PRKCQ: variants seen among roughly 807,000 people sequenced by gnomAD.
PRKCQ encodes the protein protein kinase C theta type.
A neutral mutation model predicts 91.2 loss-of-function variants in PRKCQ; 41 were observed. The ratio of observed to expected loss-of-function variants is 0.45; its 90% CI spans 0.35 to 0.58. PRKCQ has a LOEUF of 0.58. Among genes scored for constraint, PRKCQ ranks in the 20% least tolerant of loss-of-function variants. The pLI is 0.00. For missense variants in PRKCQ, 673 were observed against 896.5 expected (o/e 0.75, Z 3.18); for synonymous variants, 307 against 316.9 (o/e 0.97, Z 0.33).
chr10:6,462,701 A>T (rs1835421862), intron 13 of PRKCQ, among the ~76,000 whole-genome samples: 1 of 152,190 alleles, frequency 6.6e-6, no homozygotes, highest in Non-Finnish European at 1.5e-5. Context: ...AAACATACAC[A>T]GACATTAAAA....
At chr10:6,563,722 C>G (rs988882221) in intron 1 of PRKCQ, among the ~76,000 whole-genome samples, 2 of 152,208 alleles carry the variant, frequency 1.3e-5, no homozygotes, top group Admixed American at 1.3e-4. Context: ...TTTACCTATA[C>G]TGAGCTGACA....
chr10:6,402,167 G>A, the PRKCQ span, among the ~76,000 whole-genome samples: 2 of 151,996 alleles, frequency 1.3e-5, no homozygotes, highest in Admixed American at 1.3e-4. Context: ...ATGGACGCAG[G>A]GAGGGGAACA....
chr10:6,519,673 C>T (rs1278775765), intron 1 of PRKCQ, among the ~76,000 whole-genome samples: 1 of 152,118 alleles, frequency 6.6e-6, no homozygotes, highest in Non-Finnish European at 1.5e-5. Context: ...GTCATTGTGT[C>T]CTATCATTTG....
At chr10:6,529,073 C>A (rs928467281) in intron 1 of PRKCQ, among the ~76,000 whole-genome samples, 2 of 152,186 alleles carry the variant, frequency 1.3e-5, no homozygotes, top group Admixed American at 6.5e-5. Context: ...GGGTAATTTT[C>A]TCAGCATGTC....
intron 12 of PRKCQ, among the ~76,000 whole-genome samples, chr10:6,469,641 T>C (rs568137008): frequency 1.8e-4 from 27 of 152,306 alleles, no homozygotes; most frequent in Middle Eastern, 6.8e-3. Context: ...TAATTTTGGA[T>C]TGACCACAGA....
At chr10:6,556,491 T>C (rs979456339) in intron 1 of PRKCQ, among the ~76,000 whole-genome samples, 3 of 145,252 alleles carry the variant, frequency 2.1e-5, no homozygotes, top group Non-Finnish European at 3.0e-5. Flanking sequence ...AAGAGGCAAA[T>C]TCATAGAGAC....
Position 6,497,111 on chromosome 10 carries a change from G to A in PRKCQ, c.584C>T (p.Ala195Val), listed in dbSNP as rs1484539000. 6.2e-7 allele frequency: 1 copy of A among 1,613,682 alleles called. No homozygotes were observed. The highest frequency in any genetic ancestry group is 8.5e-7 in the Non-Finnish European group (1 of 1,179,878). Residue 195 changes from alanine (A) to valine (V), a missense_variant, in exon 7 of 18, where the codon GCA becomes GTA. Coordinates refer to ENST00000263125, the MANE Select transcript of PRKCQ (RefSeq NM_006257.5). The surrounding 1 kb of genome is among the most constrained non-coding windows in gnomAD (Gnocchi z 4.5). ...KQGYQCRQCN[A>V]AIHKKCIDKV... is the part of the protein sequence containing the mutation. ...ATCAATACACTTCTTGTGAATTGCT[G>A]CATTGCATTCTGAAAAGAAGAAAAA...
chr10:6,407,267 C>T, the PRKCQ span, among the ~76,000 whole-genome samples: 135 of 111,574 alleles, frequency 1.2e-3, no homozygotes, highest in African/African-American at 3.8e-3. This position sits in a 1 kb window ranked among gnomAD's most constrained non-coding sequence, Gnocchi z 4.0. Flanking sequence ...TGCATGGTGC[C>T]GGGGTGTGGG....
rs117129911 is a variant in PRKCQ, at chr10:6,490,271, T to C, written c.790+1412A>G. 9.2e-5 allele frequency among the ~76,000 whole-genome samples: 14 copies of C among 151,960 alleles called. No homozygotes were observed. In the East Asian group the frequency reaches 2.7e-3, roughly 29 times the overall value. ...GGTTCCACCAGACATGTGAACAGGATTGGGATGAAGAAGGGGAGAATGCGG... is the reference window on the plus strand; with the variant it reads ...GGTTCCACCAGACATGTGAACAGGACTGGGATGAAGAAGGGGAGAATGCGG... On this transcript the variant is annotated intron_variant, in intron 8 of 17. Coordinates refer to ENST00000263125, the MANE Select transcript of PRKCQ (RefSeq NM_006257.5).
upstream of PRKCQ, chr10:6,580,394 C>A (rs1258022959): frequency 6.6e-6 from 1 of 151,824 alleles, no homozygotes; most frequent in African/African-American, 2.4e-5. Context: ...AGCCTCCCCG[C>A]CAGCCCGGCC....
rs1198142782 is a variant in PRKCQ at position 6,561,106 on chromosome 10, C to T, written c.-10+19105G>A. Among the ~76,000 whole-genome samples the T allele has an allele frequency of 2.0e-5, 3 of 151,626 alleles. No homozygotes were observed. The South Asian group carries it at 6.2e-4, about 31-fold the overall frequency. On this transcript the variant is annotated intron_variant, in intron 1 of 17. Coordinates refer to ENST00000263125, the MANE Select transcript of PRKCQ (RefSeq NM_006257.5). ...AAATTCTTCCTTGAGGCTGGGTGCT[C>T]ATACCTGTAATCCCAGCACTCTGGG... is the stretch of plus-strand genomic sequence containing the variant.
At chr10:6,572,900 G>A (rs1330931682) in intron 1 of PRKCQ, among the ~76,000 whole-genome samples, 1 of 151,986 alleles carries the variant, frequency 6.6e-6, no homozygotes, top group African/African-American at 2.4e-5. Flanking sequence ...AGCACCTGTT[G>A]TTTCTTGATT....
intron 15 of PRKCQ, among the ~76,000 whole-genome samples, chr10:6,454,618 GA>G (rs1834908810): frequency 6.6e-6 from 1 of 152,122 alleles, no homozygotes; most frequent in South Asian, 2.1e-4. Flanking sequence ...CACCAAGAAA[GA>G]AAAGGAAAGA....
chr10:6,532,791 A>T (rs927658055), intron 1 of PRKCQ, among the ~76,000 whole-genome samples: 2 of 152,246 alleles, frequency 1.3e-5, no homozygotes, highest in African/African-American at 4.8e-5. Flanking sequence ...CTTTTCAAAG[A>T]TGAGAATAAC....
chr10:6,400,546 T>C, the PRKCQ span, among the ~76,000 whole-genome samples: 5 of 150,728 alleles, frequency 3.3e-5, no homozygotes, highest in African/African-American at 9.8e-5. Flanking sequence ...TCTCGAGCAA[T>C]CCCACGTCCC....
At chr10:6,496,701 G>T (rs1393358785) in intron 7 of PRKCQ, among the ~76,000 whole-genome samples, 2 of 151,240 alleles carry the variant, frequency 1.3e-5, no homozygotes, top group East Asian at 3.9e-4. Context: ...TTGAGATGGA[G>T]TCTCACTCTG....
chr10:6,558,921 C>T (rs1262064835), intron 1 of PRKCQ, among the ~76,000 whole-genome samples: 2 of 152,096 alleles, frequency 1.3e-5, no homozygotes, highest in Admixed American at 6.5e-5. Flanking sequence ...TAGAGAGTCC[C>T]AAGTGCATGG....
chr10:6,577,568 A>T (rs1388934807), intron 1 of PRKCQ, among the ~76,000 whole-genome samples: 1 of 152,210 alleles, frequency 6.6e-6, no homozygotes, highest in African/African-American at 2.4e-5. Flanking sequence ...CACACACGGA[A>T]TCACGTCTAT....
chr10:6,528,543 T>G (rs539632881), intron 1 of PRKCQ, among the ~76,000 whole-genome samples: 6 of 152,190 alleles, frequency 3.9e-5, no homozygotes, highest in Non-Finnish European at 7.3e-5. Context: ...TTGTTATAAC[T>G]GGTGGACATG....
Sources: gnomAD v4.1 joint callset for allele counts (sites outside exome capture counted in the v4.1 genomes callset) on GRCh38, gnomAD v4.1.1 for gene constraint, Gnocchi (gnomAD v3.1) non-coding constraint, MANE v1.5 for transcripts, NCBI Gene and HGNC (gene_info 2026-07-23, HGNC 2026-07-21) for gene names.